CACNA2D3: variants seen among roughly 807,000 people sequenced by gnomAD.
CACNA2D3 encodes voltage-dependent calcium channel subunit alpha-2/delta-3.
A neutral mutation model predicts 160.6 loss-of-function variants in CACNA2D3; 60 were observed. The observed-to-expected ratio is 0.37, with a 90% confidence interval of 0.30 to 0.46. CACNA2D3 has a LOEUF of 0.46. Among genes scored for constraint, CACNA2D3 ranks in the 20% least tolerant of loss-of-function variants. The pLI is 1.00. For synonymous variants in CACNA2D3, 558 were observed against 492.9 expected (o/e 1.13, Z -1.75); for missense variants, 1,205 against 1,365.0 (o/e 0.88, Z 1.85).
chr3:54,332,667 G>A (rs1704291800), intron 3 of CACNA2D3, among the ~76,000 whole-genome samples: 1 of 152,136 alleles, frequency 6.6e-6, no homozygotes, highest in African/African-American at 2.4e-5. Flanking sequence ...TTTCAAAGAG[G>A]AGAAAATAAA....
chr3:54,653,946 G>C (rs932560236), intron 11 of CACNA2D3, among the ~76,000 whole-genome samples: 1 of 152,138 alleles, frequency 6.6e-6, no homozygotes, highest in East Asian at 1.9e-4. Flanking sequence ...CTCCTCTGCT[G>C]GTGTTGGGGA....
At chr3:54,724,653 C>T (rs1292332968) in intron 11 of CACNA2D3, among the ~76,000 whole-genome samples, 1 of 152,132 alleles carries the variant, frequency 6.6e-6, no homozygotes, top group Non-Finnish European at 1.5e-5. Context: ...AACTGAACAG[C>T]CTGCTCCTGA....
chr3:54,633,213 T>G (rs938588152), intron 10 of CACNA2D3, among the ~76,000 whole-genome samples: 3 of 152,146 alleles, frequency 2.0e-5, no homozygotes, highest in African/African-American at 7.2e-5. Context: ...TCCATTTGCT[T>G]ACTGATCTTC....
chr3:54,400,009 G>A lies in CACNA2D3; in HGVS notation c.381+13235G>A, dbSNP rs1369385968. 4.1e-5 allele frequency among the ~76,000 whole-genome samples: 5 copies of A among 122,414 alleles called. 1 individual carries two copies. Among genetic ancestry groups the A allele is most frequent in the South Asian group, 2.8e-4 (1 of 3,544 alleles). 80.3% of individuals were successfully genotyped at this position (122,414 alleles called of 152,430 possible). On this transcript the variant is annotated intron_variant, in intron 4 of 37. Coordinates refer to ENST00000474759, the MANE Select transcript of CACNA2D3 (RefSeq NM_018398.3). ...GTGGGATATAGTCTCGTGGTGCGCC[G>A]TTTTTTAAGCCGGTCTGAAAAGTGC... is the stretch of plus-strand genomic sequence containing the variant.
intron 2 of CACNA2D3, among the ~76,000 whole-genome samples, chr3:54,184,379 C>T (rs1158660177): frequency 6.6e-6 from 1 of 152,216 alleles, no homozygotes; most frequent in African/African-American, 2.4e-5. Context: ...CTTAAGCCCT[C>T]CCCCATCCTC....
At chr3:54,821,431 T>A (rs1559594724) in intron 14 of CACNA2D3, among the ~76,000 whole-genome samples, 1 of 152,210 alleles carries the variant, frequency 6.6e-6, no homozygotes, top group African/African-American at 2.4e-5. Flanking sequence ...TTTTCTGTGC[T>A]GCTTAACTTG....
intron 11 of CACNA2D3, among the ~76,000 whole-genome samples, chr3:54,731,838 C>G (rs558011367): frequency 2.0e-5 from 3 of 151,910 alleles, no homozygotes; most frequent in Non-Finnish European, 2.9e-5. Context: ...GGTATTTAGA[C>G]GAACACTTCA....
chr3:54,135,243 C>G (rs1178016600), intron 2 of CACNA2D3, among the ~76,000 whole-genome samples: 2 of 152,118 alleles, frequency 1.3e-5, no homozygotes, highest in Non-Finnish European at 2.9e-5. Context: ...GCTTTGAAGG[C>G]TACTGGGAGC....
intron 11 of CACNA2D3, among the ~76,000 whole-genome samples, chr3:54,732,949 G>T (rs971336729): frequency 2.0e-5 from 3 of 152,368 alleles, no homozygotes; most frequent in South Asian, 2.1e-4. Context: ...TGAGTGGCTT[G>T]TACTTGGACA....
chr3:54,845,544 A>G (rs564473896), intron 16 of CACNA2D3, among the ~76,000 whole-genome samples: 1 of 152,364 alleles, frequency 6.6e-6, no homozygotes, highest in Non-Finnish European at 1.5e-5. Context: ...AGGCCGTTTT[A>G]ATACATGAAT....
chr3:55,035,116 C>G (rs966238178), intron 35 of CACNA2D3, among the ~76,000 whole-genome samples: 9 of 152,034 alleles, frequency 5.9e-5, no homozygotes, highest in Non-Finnish European at 1.0e-4. Flanking sequence ...AAGAGGCCTC[C>G]GCTTTTATTT....
chr3:54,974,189 C>T (rs1380810863), intron 29 of CACNA2D3, among the ~76,000 whole-genome samples: 1 of 152,184 alleles, frequency 6.6e-6, no homozygotes, highest in African/African-American at 2.4e-5. Context: ...CATTAGGATA[C>T]TTGTAAAAAT....
At chr3:55,008,882 C>T (rs1163895232) in intron 33 of CACNA2D3, among the ~76,000 whole-genome samples, 1 of 129,264 alleles carries the variant, frequency 7.7e-6, no homozygotes, top group Non-Finnish European at 1.6e-5. Context: ...GTTCCACCTC[C>T]CTCTATACAC....
chr3:54,658,971 C>T (rs551569827), intron 11 of CACNA2D3, among the ~76,000 whole-genome samples: 63 of 152,156 alleles, frequency 4.1e-4, no homozygotes, highest in Non-Finnish European at 8.2e-4. Flanking sequence ...CTTCCTGTTC[C>T]CTCTCTCTGG....
At chr3:54,311,150 C>G (rs1312570142) in intron 2 of CACNA2D3, among the ~76,000 whole-genome samples, 1 of 152,206 alleles carries the variant, frequency 6.6e-6, no homozygotes, top group Non-Finnish European at 1.5e-5. Context: ...ATTCTTTCCA[C>G]TGGGCCCATC....
intron 2 of CACNA2D3, among the ~76,000 whole-genome samples, chr3:54,286,514 T>C (rs1006233705): frequency 2.6e-5 from 4 of 152,228 alleles, no homozygotes; most frequent in African/African-American, 4.8e-5. Flanking sequence ...TGCAGGATAT[T>C]ATCCAGGAGA....
chr3:54,511,973 G>C (rs1437417966), intron 5 of CACNA2D3, among the ~76,000 whole-genome samples: 3 of 152,220 alleles, frequency 2.0e-5, no homozygotes, highest in African/African-American at 7.2e-5. Context: ...TGTGGTGGCA[G>C]TCAAGTATGT....
In CACNA2D3 at chr3:54,773,864, A is replaced by G. The variant is rs796430629; in HGVS notation, c.1380+9513A>G. Among the ~76,000 whole-genome samples, 7 of 152,232 alleles carry G rather than the reference A, an allele frequency of 4.6e-5. No individual in the cohort carries two copies. The South Asian group carries it at 1.4e-3, about 32-fold the overall frequency. ...TTCAGAAAAGATGTCCTAAAACTCT[A>G]TATGGGTGACTGTCAACTAGTAGAA... On this transcript the variant is annotated intron_variant, in intron 13 of 37. Transcript: ENST00000474759.
intron 9 of CACNA2D3, among the ~76,000 whole-genome samples, chr3:54,590,197 C>T (rs1194224674): frequency 2.0e-5 from 3 of 151,928 alleles, no homozygotes; most frequent in Admixed American, 1.3e-4. Flanking sequence ...TGTTCTATGT[C>T]GCCACTATGG....
Sources: gnomAD v4.1 joint callset for allele counts (sites outside exome capture counted in the v4.1 genomes callset) on GRCh38, gnomAD v4.1.1 for gene constraint, MANE v1.5 for transcripts, NCBI Gene and HGNC (gene_info 2026-07-23, HGNC 2026-07-21) for gene names.